Variants in SDK1 observed in about 807,000 individuals in gnomAD.
The protein encoded by SDK1 is sidekick cell adhesion molecule 1.
SDK1 carries 157 observed loss-of-function variants against 245.5 expected under a neutral mutation model. That is an observed-to-expected ratio of 0.64 (90% CI 0.56 to 0.73). The LOEUF is 0.73. Among genes scored for constraint, SDK1 ranks in the 30% least tolerant of loss-of-function variants. SDK1 has a pLI of 0.00. For synonymous variants in SDK1, 1,647 were observed against 1,278.5 expected, an observed-to-expected ratio of 1.29 and a Z score of -6.15; for missense variants, 3,583 against 3,002.3, an observed-to-expected ratio of 1.19 and a Z score of -4.52.
chr7:3,495,771 G>A (rs912889178), intron 1 of SDK1, among the ~76,000 whole-genome samples: 3 of 152,298 alleles, frequency 2.0e-5, no homozygotes, highest in African/African-American at 2.4e-5. Context: ...CTTTGTCCTC[G>A]TGGACCCAGT....
At chr7:4,234,283 C>T (rs776577473) in intron 41 of SDK1, among the ~76,000 whole-genome samples, 6 of 152,200 alleles carry the variant, frequency 3.9e-5, no homozygotes, top group African/African-American at 7.2e-5. Context: ...CTGTGAGGTA[C>T]CGCAGGCTCC....
At chr7:3,747,508 A>G (rs1404683554) in intron 4 of SDK1, among the ~76,000 whole-genome samples, 13 of 152,210 alleles carry the variant, frequency 8.5e-5, no homozygotes, top group Admixed American at 3.3e-4. Context: ...TCTTTTATTT[A>G]GCAAATGCTG....
intron 1 of SDK1, among the ~76,000 whole-genome samples, chr7:3,446,592 A>G (rs893408131): frequency 2.0e-5 from 3 of 152,178 alleles, no homozygotes; most frequent in African/African-American, 7.2e-5. Context: ...ACTCAATTTA[A>G]TAAGTCTCTG....
intron 5 of SDK1, among the ~76,000 whole-genome samples, chr7:3,947,378 T>A (rs776173121): frequency 6.6e-6 from 1 of 152,364 alleles, no homozygotes; most frequent in Admixed American, 6.5e-5. Flanking sequence ...GGATTAATTC[T>A]AAAGTTGAAA....
rs74967751 is a variant in SDK1 at position 4,235,044 on chromosome 7, C to T, written c.5992+1625C>T. Among the ~76,000 whole-genome samples, 42 of 152,286 alleles carry T rather than the reference C, an allele frequency of 2.8e-4. No homozygotes were observed. The East Asian group carries it at 7.3e-3, about 27-fold the overall frequency. On this transcript the variant is annotated intron_variant, in intron 41 of 44. Transcript: ENST00000404826. The stretch of plus-strand genomic sequence containing the variant: ...TTTATGTGCTATGAGTTTGGAGGAA[C>T]GACCCTGTGCTCGTCTGTGGGTGAG...
At chr7:3,825,320 A>G (rs1186880383) in intron 5 of SDK1, among the ~76,000 whole-genome samples, 1 of 134,010 alleles carries the variant, frequency 7.5e-6, no homozygotes, top group African/African-American at 3.3e-5. Flanking sequence ...TCTTCCTCTA[A>G]AAAAAAAAAA....
At chr7:3,482,381 C>T (rs1328026486) in intron 1 of SDK1, among the ~76,000 whole-genome samples, 1 of 152,174 alleles carries the variant, frequency 6.6e-6, no homozygotes, top group African/African-American at 2.4e-5. Flanking sequence ...GGAGTGTCTG[C>T]TTTGATGGCT....
At chr7:3,773,206 G>A (rs957160937) in intron 4 of SDK1, among the ~76,000 whole-genome samples, 1 of 151,978 alleles carries the variant, frequency 6.6e-6, no homozygotes, top group Non-Finnish European at 1.5e-5. Flanking sequence ...TGTCCCTCAA[G>A]TCCCTTTTGC....
intron 32 of SDK1, among the ~76,000 whole-genome samples, chr7:4,173,943 C>T (rs1317439785): frequency 6.6e-6 from 1 of 152,212 alleles, no homozygotes; most frequent in Non-Finnish European, 1.5e-5. Context: ...CTGCCCCAGC[C>T]TGGGGGCTCA....
intron 1 of SDK1, among the ~76,000 whole-genome samples, chr7:3,558,904 A>G (rs1779667941): frequency 6.6e-6 from 1 of 152,220 alleles, no homozygotes; most frequent in African/African-American, 2.4e-5. Flanking sequence ...ACAAATGTAT[A>G]TTCTGCTACA....
intron 1 of SDK1, among the ~76,000 whole-genome samples, chr7:3,556,372 G>C (rs1045780709): frequency 1.3e-5 from 2 of 152,126 alleles, no homozygotes; most frequent in African/African-American, 2.4e-5. Context: ...AACTCATGGA[G>C]ATAAAGGGTA....
At chr7:4,196,222 C>G (rs769426674) in intron 35 of SDK1, among the ~76,000 whole-genome samples, 1 of 152,278 alleles carries the variant, frequency 6.6e-6, no homozygotes, top group Admixed American at 6.5e-5. Context: ...GATTCCAGGC[C>G]CTTGCCAACA....
intron 4 of SDK1, among the ~76,000 whole-genome samples, chr7:3,756,684 A>G (rs1036592240): frequency 2.0e-5 from 3 of 152,048 alleles, no homozygotes; most frequent in African/African-American, 7.2e-5. Flanking sequence ...GTCTCCTCCA[A>G]TCTGTGACCA....
At chr7:3,576,382 C>G (rs999096056) in intron 1 of SDK1, among the ~76,000 whole-genome samples, 1 of 152,046 alleles carries the variant, frequency 6.6e-6, no homozygotes, top group Non-Finnish European at 1.5e-5. Flanking sequence ...GTGAGATAAG[C>G]TGTGTGTTAC....
chr7:3,888,522 C>G (rs983442227), intron 5 of SDK1, among the ~76,000 whole-genome samples: 3 of 152,228 alleles, frequency 2.0e-5, no homozygotes, highest in African/African-American at 7.2e-5. Context: ...CGTTAATAGA[C>G]TGCTGCTGTA....
At chr7:4,214,434 CT>C (rs1274539687) in intron 38 of SDK1, among the ~76,000 whole-genome samples, 1 of 152,234 alleles carries the variant, frequency 6.6e-6, no homozygotes, top group Non-Finnish European at 1.5e-5. Context: ...AGCCTTGTCT[CT>C]TTTGTCTGTT....
chr7:3,800,362 CTTACTTACTTAT>C (rs1372391342), intron 4 of SDK1, among the ~76,000 whole-genome samples: 5 of 141,572 alleles, frequency 3.5e-5, no homozygotes, highest in African/African-American at 1.3e-4. Flanking sequence ...TACTTACTTA[CTTACTTACTTAT>C]TTATTTATTT....
intron 5 of SDK1, among the ~76,000 whole-genome samples, chr7:3,846,536 C>G (rs1780282495): frequency 6.6e-6 from 1 of 152,188 alleles, no homozygotes; most frequent in Admixed American, 6.5e-5. Flanking sequence ...TCTCAACAGC[C>G]TCCTGGTTCT....
In SDK1 at chr7:3,581,386, C is replaced by T. The variant is rs372456643; in HGVS notation, c.299-37694C>T. Among the ~76,000 whole-genome samples, 94 of 152,286 alleles carry T rather than the reference C, an allele frequency of 6.2e-4. 1 individual carries two copies. The South Asian group carries it at 8.3e-3, about 13-fold the overall frequency. On this transcript the variant is annotated intron_variant, in intron 1 of 44. Transcript: ENST00000404826. Reference sequence around the variant, plus strand: ...AAAGAAGACATATGCAGCCAACAAGCATATGATAAAAGCTCAATATCACTG... The same window carrying T: ...AAAGAAGACATATGCAGCCAACAAGTATATGATAAAAGCTCAATATCACTG...
Sources: allele counts gnomAD v4.1 joint callset (sites outside exome capture counted in the v4.1 genomes callset), GRCh38; gene constraint gnomAD v4.1.1; transcripts MANE v1.5; gene names NCBI Gene and HGNC (gene_info 2026-07-23, HGNC 2026-07-21).